CNTN4: variants seen among roughly 807,000 people sequenced by gnomAD.
CNTN4 encodes contactin 4.
A neutral mutation model predicts 122.5 loss-of-function variants in CNTN4; 77 were observed. The observed-to-expected ratio is 0.63, with a 90% CI of 0.52 to 0.76. CNTN4 has a LOEUF of 0.76. Ranked by LOEUF, CNTN4 falls within the 30% of genes least tolerant of loss-of-function variation. The pLI, the probability that CNTN4 is intolerant of heterozygous loss-of-function variation, is 0.00. For synonymous variants in CNTN4, 512 were observed against 447.0 expected (o/e 1.15, Z -1.83); for missense variants, 1,256 against 1,259.1 (o/e 1.00, Z 0.04).
chr3:2,386,234 G>C (rs537175333), intron 3 of CNTN4, among the ~76,000 whole-genome samples: 3 of 151,226 alleles, frequency 2.0e-5, no homozygotes, highest in African/African-American at 4.8e-5. Flanking sequence ...TCAAACATTT[G>C]CTTGAATTCT....
intron 10 of CNTN4, among the ~76,000 whole-genome samples, chr3:2,897,110 A>G (rs576559290): frequency 5.9e-5 from 9 of 152,286 alleles, no homozygotes; most frequent in Admixed American, 3.3e-4. Context: ...CCTGCAATAT[A>G]AATTATTATT....
chr3:2,507,161 G>C (rs988744822), intron 3 of CNTN4, among the ~76,000 whole-genome samples: 2 of 151,892 alleles, frequency 1.3e-5, no homozygotes, highest in African/African-American at 4.8e-5. Context: ...TCAGTTCTTC[G>C]GTATTCCAAC....
At position 2,122,953 on chromosome 3, in the gene CNTN4, G is replaced by A. The variant is rs1240074238; in HGVS notation, c.-145+22314G>A. Among the ~76,000 whole-genome samples the A allele has an allele frequency of 2.0e-5, 3 of 152,150 alleles. No individual in the cohort carries two copies. The East Asian group carries it at 5.8e-4, about 29-fold the overall frequency. ...GAATGTCTCAGTTCAAGGTTGCCAT[G>A]TTATATTATGAGACATTGGGTACTG... On this transcript the variant is annotated intron_variant, in intron 2 of 24. Transcript: ENST00000418658.
chr3:2,543,634 C>G (rs1293430591), intron 3 of CNTN4, among the ~76,000 whole-genome samples: 1 of 152,104 alleles, frequency 6.6e-6, no homozygotes, highest in Non-Finnish European at 1.5e-5. Context: ...TTCATTGCTC[C>G]ATCTCTGCTA....
chr3:2,238,492 TA>T (rs1045014213), intron 2 of CNTN4, among the ~76,000 whole-genome samples: 9 of 151,888 alleles, frequency 5.9e-5, no homozygotes, highest in South Asian at 2.1e-4. Flanking sequence ...TTTTTCAAAA[TA>T]AAAAAATCTT....
chr3:2,120,406 T>TATAAATATA (rs1491534107), intron 2 of CNTN4, among the ~76,000 whole-genome samples: 1 of 24,574 alleles, frequency 4.1e-5, no homozygotes, highest in African/African-American at 1.3e-4. Flanking sequence ...TATATATATA[T>TATAAATATA]TTTTTTTTTT....
At chr3:2,224,762 G>A (rs1156277448) in intron 2 of CNTN4, among the ~76,000 whole-genome samples, 3 of 152,128 alleles carry the variant, frequency 2.0e-5, no homozygotes, top group African/African-American at 7.2e-5. Flanking sequence ...TCAATATGGG[G>A]TATCAGTTGG....
chr3:3,037,207 C>T lies in CNTN4; in HGVS notation c.1971C>T (p.Phe657=). Residue 657 remains phenylalanine, a synonymous_variant, in exon 18 of 25, where the codon TTC becomes TTT. Coordinates refer to ENST00000418658, the MANE Select transcript of CNTN4 (RefSeq NM_175607.3). The part of the protein sequence containing the change: ...TVPELIDGKT[F]TATVVGLNPW... ...CAGAACTCATTGATGGGAAGACATT[C>T]ACAGCGACCGTGGTGGGTTTGAACC... The T allele has an allele frequency of 6.2e-7, 1 of 1,614,186 alleles. No individual in the cohort carries two copies. The highest frequency in any genetic ancestry group is 2.2e-5 in the East Asian group (1 of 44,888).
At chr3:2,929,848 A>G (rs180869999) in intron 13 of CNTN4, among the ~76,000 whole-genome samples, 2 of 152,314 alleles carry the variant, frequency 1.3e-5, no homozygotes, top group Admixed American at 1.3e-4. Flanking sequence ...GGGTTTTCCC[A>G]AAGAAATCGA....
chr3:2,183,684 T>C (rs2037121630), intron 2 of CNTN4, among the ~76,000 whole-genome samples: 1 of 152,150 alleles, frequency 6.6e-6, no homozygotes. Flanking sequence ...TTGTGGCCAC[T>C]GGGCAAGAGA....
At chr3:2,489,660 A>T (rs965942150) in intron 3 of CNTN4, among the ~76,000 whole-genome samples, 1 of 152,194 alleles carries the variant, frequency 6.6e-6, no homozygotes, top group Non-Finnish European at 1.5e-5. Context: ...AGTATCTGTC[A>T]CTCATAGAAA....
intron 3 of CNTN4, among the ~76,000 whole-genome samples, chr3:2,400,797 T>A (rs1010028053): frequency 6.6e-6 from 1 of 151,526 alleles, no homozygotes; most frequent in Non-Finnish European, 1.5e-5. Context: ...TGGATTATGC[T>A]GTGCATAATA....
At chr3:2,765,345 T>C (rs1340616571) in intron 6 of CNTN4, among the ~76,000 whole-genome samples, 1 of 152,228 alleles carries the variant, frequency 6.6e-6, no homozygotes, top group Admixed American at 6.5e-5. Context: ...CCGACAGTGC[T>C]AGAGAATGGA....
At position 2,811,441 on chromosome 3, in the gene CNTN4, A is replaced by G. The variant is rs185828740; in HGVS notation, c.359-8045A>G. ...AAAAAAAGTTTTGGTCCTTTACTTT[A>G]TTTTTATTTTATTATTTATTTATTT... On this transcript the variant is annotated intron_variant, in intron 6 of 24. Coordinates refer to ENST00000418658, the MANE Select transcript of CNTN4 (RefSeq NM_175607.3). Among the ~76,000 whole-genome samples, 121 of 145,800 alleles carry G rather than the reference A, an allele frequency of 8.3e-4. 3 individuals carry two copies. The East Asian group carries it at 0.024, about 28-fold the overall frequency.
chr3:2,143,833 C>T (rs1313751032), intron 2 of CNTN4, among the ~76,000 whole-genome samples: 1 of 152,152 alleles, frequency 6.6e-6, no homozygotes, highest in African/African-American at 2.4e-5. Flanking sequence ...TGCCATGAGC[C>T]ATTAAAGGTA....
At chr3:2,200,531 A>G (rs1043926863) in intron 2 of CNTN4, among the ~76,000 whole-genome samples, 1 of 152,172 alleles carries the variant, frequency 6.6e-6, no homozygotes, top group African/African-American at 2.4e-5. Flanking sequence ...ACATCTTACA[A>G]TGTACAGGAC....
At chr3:2,334,596 T>C (rs555922460) in intron 2 of CNTN4, among the ~76,000 whole-genome samples, 76 of 152,284 alleles carry the variant, frequency 5.0e-4, no homozygotes, top group African/African-American at 1.8e-3. Flanking sequence ...GACTCAAATA[T>C]GACTTTAGAA....
chr3:2,758,481 A>G (rs1021050840), intron 6 of CNTN4, among the ~76,000 whole-genome samples: 25 of 148,496 alleles, frequency 1.7e-4, no homozygotes, highest in African/African-American at 5.9e-4. Context: ...AAAAAAACTC[A>G]TTATGAAGGT....
chr3:2,596,939 A>G (rs960106545), intron 4 of CNTN4, among the ~76,000 whole-genome samples: 1 of 152,170 alleles, frequency 6.6e-6, no homozygotes, highest in African/African-American at 2.4e-5. Context: ...GTTAGATATT[A>G]AGTAAAAACA....
Sources: allele counts gnomAD v4.1 joint callset (sites outside exome capture counted in the v4.1 genomes callset), GRCh38; gene constraint gnomAD v4.1.1; transcripts MANE v1.5; gene names NCBI Gene and HGNC (gene_info 2026-07-23, HGNC 2026-07-21).